AHCYL2: variants seen among roughly 807,000 people sequenced by gnomAD.
The protein encoded by AHCYL2 is adenosylhomocysteinase like 2.
Under a neutral mutation model 81.4 loss-of-function variants are expected in AHCYL2, and 28 were observed. The ratio of observed to expected loss-of-function variants is 0.34; its 90% CI spans 0.25 to 0.47. The LOEUF is 0.47. AHCYL2 is among the 20% of genes least tolerant of loss of function. The probability of loss-of-function intolerance (pLI) is 1.00; values close to 1 mark genes in which losing one functional copy is unlikely to be tolerated. For synonymous variants in AHCYL2, 272 were observed against 290.2 expected (o/e 0.94, Z 0.64); for missense variants, 551 against 785.1 (o/e 0.70, Z 3.56).
In AHCYL2 at chr7:129,410,957, T is replaced by C. The variant is rs770667616; in HGVS notation, c.1366+1411T>C. The stretch of plus-strand genomic sequence containing the variant: ...TCTCTTTTGTTGTTTTAAATAGAGA[T>C]GAGGTCTCAGTCTCCAGGCTGGTCT... On this transcript the variant is annotated intron_variant, in intron 11 of 16. Coordinates refer to ENST00000325006, the MANE Select transcript of AHCYL2 (RefSeq NM_015328.4). Among the ~76,000 whole-genome samples, 45 of 152,300 alleles carry C rather than the reference T, an allele frequency of 3.0e-4. 1 individual carries two copies. Among genetic ancestry groups the C allele is most frequent in the South Asian group, 2.1e-4 (1 of 4,826 alleles).
intron 1 of AHCYL2, among the ~76,000 whole-genome samples, chr7:129,345,845 A>G (rs1793343424): frequency 6.6e-6 from 1 of 152,134 alleles, no homozygotes; most frequent in South Asian, 2.1e-4. Flanking sequence ...AGGCTCAATT[A>G]TTGACATAGG....
Position 129,406,261 on chromosome 7 carries a change from A to T in AHCYL2, c.1207-117A>T. On this transcript the variant is annotated intron_variant, in intron 9 of 16. Transcript: ENST00000325006. This position sits in a 1 kb window ranked among gnomAD's most constrained non-coding sequence, Gnocchi z 4.3. ...TTCTTCTCGTTTTCCCCAAGTATGA[A>T]TCTATTCAGTGAAATTCCTCTCGGG... 1 of 853,076 alleles carries T rather than the reference A, an allele frequency of 1.2e-6. No homozygotes were observed. The highest frequency in any genetic ancestry group is 1.9e-6 in the Non-Finnish European group (1 of 528,712). The allele number at this position is 853,076 out of a possible 1,614,324, so 52.8% of individuals were successfully genotyped here. A position where few individuals can be genotyped will look rare whatever the true frequency, so the allele number is the denominator to read the frequency against.
In AHCYL2 at chr7:129,426,397, T is replaced by A. The variant is rs751369272; in HGVS notation, c.1709-46T>A. The A allele has an allele frequency of 2.5e-5, 40 of 1,613,818 alleles. No individual in the cohort carries two copies. ...TAGCTTGGGGACAATAGCCATCAGA[T>A]AAAAGGCATGAATGCTTATACCAGG... On this transcript the variant is annotated intron_variant, in intron 15 of 16. Coordinates refer to ENST00000325006, the MANE Select transcript of AHCYL2 (RefSeq NM_015328.4). The surrounding 1 kb of genome is among the most constrained non-coding windows in gnomAD (Gnocchi z 4.3).
intron 1 of AHCYL2, among the ~76,000 whole-genome samples, chr7:129,274,143 ATGTGTCTCC>A (rs1465352479): frequency 6.6e-6 from 1 of 152,188 alleles, no homozygotes. Context: ...AGTAACTGTT[ATGTGTCTCC>A]TGTTCCTTCT....
chr7:129,414,958 C>T (rs1796773343), intron 12 of AHCYL2, among the ~76,000 whole-genome samples: 1 of 152,118 alleles, frequency 6.6e-6, no homozygotes, highest in South Asian at 2.1e-4. Flanking sequence ...TATGGTTTCC[C>T]TTTTAAATTC....
intron 1 of AHCYL2, among the ~76,000 whole-genome samples, chr7:129,371,968 G>T (rs1162927124): frequency 6.6e-6 from 1 of 152,312 alleles, no homozygotes; most frequent in African/African-American, 2.4e-5. Flanking sequence ...CTGATAAATG[G>T]TGGTAGAGGT....
At chr7:129,324,989 C>T (rs1289110568) in intron 1 of AHCYL2, among the ~76,000 whole-genome samples, 3 of 152,308 alleles carry the variant, frequency 2.0e-5, no homozygotes, top group South Asian at 4.1e-4. Context: ...TCAGCCTTCA[C>T]ATTATTATTG....
rs989765165 is a variant in AHCYL2 at position 129,400,507 on chromosome 7, T to C, written c.918+123T>C. 14 of 824,466 alleles carry C rather than the reference T, an allele frequency of 1.7e-5. 1 individual carries two copies. In the Admixed American group the frequency reaches 1.9e-4, roughly 11 times the overall value. 51.1% of individuals were successfully genotyped at this position (824,466 alleles called of 1,614,324 possible). A position where few individuals can be genotyped will look rare whatever the true frequency, so the allele number is the denominator to read the frequency against. ...AAAATGGCTTCATTTCTATCTGATA[T>C]ACCTGGGTTTCCAGCAGAACTAGAT... On this transcript the variant is annotated intron_variant, in intron 6 of 16. Transcript: ENST00000325006.
At chr7:129,399,717 T>C (rs7808914) in intron 5 of AHCYL2, among the ~76,000 whole-genome samples, 1,921 of 150,750 alleles carry the variant, frequency 0.013, 40 homozygotes, top group African/African-American at 0.045. Context: ...TGTTTTCCCT[T>C]TAGTCACTTT....
intron 1 of AHCYL2, among the ~76,000 whole-genome samples, chr7:129,343,200 C>A (rs1055261008): frequency 6.6e-6 from 1 of 152,092 alleles, no homozygotes; most frequent in Non-Finnish European, 1.5e-5. Flanking sequence ...TCTTGGTATT[C>A]AATATTCCTG....
In AHCYL2 at chr7:129,426,906, C is replaced by T. The variant is rs1415369331; in HGVS notation, c.1830-133C>T. The T allele has an allele frequency of 1.2e-6, 1 of 854,484 alleles. No individual in the cohort carries two copies. Among genetic ancestry groups the T allele is most frequent in the East Asian group, 2.5e-5 (1 of 39,968 alleles). 52.9% of individuals were successfully genotyped at this position (854,484 alleles called of 1,614,324 possible). A position where few individuals can be genotyped will look rare whatever the true frequency, so the allele number is the denominator to read the frequency against. On this transcript the variant is annotated intron_variant, in intron 16 of 16. Transcript: ENST00000325006. The surrounding 1 kb of genome is among the most constrained non-coding windows in gnomAD (Gnocchi z 4.3). ...CTTTTTCAATGATGTGAAAAGGAAA[C>T]ACAGTTATTTCCTGTCACTGTACAC...
At position 129,389,130 on chromosome 7, in the gene AHCYL2, A is replaced by G. The variant is rs764427748; in HGVS notation, c.550A>G (p.Ser184Gly). 6.2e-7 allele frequency: 1 copy of G among 1,614,074 alleles called. No homozygotes were observed. Among genetic ancestry groups the G allele is most frequent in the Admixed American group, 1.7e-5 (1 of 60,006 alleles). The change falls in exon 3 of 17, where the codon AGT (serine) becomes GGT (glycine). Residue 184 changes from serine (S) to glycine (G), a missense_variant. Physicochemically the swap from Ser to Gly is moderately conservative, Grantham distance 56. This residue lies in a region of AHCYL2 where 316 missense variants were observed against 543.1 expected (regional missense o/e 0.58). Transcript: ENST00000325006. ...DKQQKNSKGS[S>G]DFCVKNIKQA... ...GCAGCAAAAGAACTCTAAGGGAAGCAGTGACTTCTGTGTTAAGAACATCAA... is the reference window on the plus strand; with the variant it reads ...GCAGCAAAAGAACTCTAAGGGAAGCGGTGACTTCTGTGTTAAGAACATCAA...
chr7:129,340,778 T>A (rs1436049353), intron 1 of AHCYL2, among the ~76,000 whole-genome samples: 1 of 152,214 alleles, frequency 6.6e-6, no homozygotes, highest in Admixed American at 6.5e-5. Context: ...GATCATATGA[T>A]ATTTTCTCCT....
intron 2 of AHCYL2, among the ~76,000 whole-genome samples, chr7:129,386,462 CAAA>C (rs574468187): frequency 8.0e-6 from 1 of 124,242 alleles, no homozygotes; most frequent in Admixed American, 8.4e-5. Flanking sequence ...GACCCTGGCT[CAAA>C]AAAAAAAAAA....
chr7:129,339,916 CTTTTTT>C (rs774989478), intron 1 of AHCYL2, among the ~76,000 whole-genome samples: 6 of 104,544 alleles, frequency 5.7e-5, no homozygotes, highest in Non-Finnish European at 1.0e-4. Context: ...TTCCTCTGCT[CTTTTTT>C]TTTTTTTTTT....
At chr7:129,348,897 G>A (rs1793454206) in intron 1 of AHCYL2, among the ~76,000 whole-genome samples, 1 of 152,112 alleles carries the variant, frequency 6.6e-6, no homozygotes, top group Non-Finnish European at 1.5e-5. Flanking sequence ...ACTTTAATCA[G>A]ATTTGCTAAG....
Position 129,400,368 on chromosome 7 carries a change from G to C in AHCYL2, c.902G>C (p.Gly301Ala). ...ATCGATAGATGTGTGAATGTGGAGG[G>C]CTGGCAGCCAAACATGGTGGGTCAG... ...WCIDRCVNVE[G>A]WQPNMILDDG... Residue 301 changes from glycine to alanine, a missense_variant, in exon 6 of 17, where the codon GGC (glycine) becomes GCC (alanine). By Grantham distance (60) the Gly-to-Ala change is moderately conservative. Transcript: ENST00000325006. 2 of 1,612,928 alleles carry C rather than the reference G, an allele frequency of 1.2e-6. No homozygotes were observed. The highest frequency in any genetic ancestry group is 1.7e-6 in the Non-Finnish European group (2 of 1,179,270).
chr7:129,351,835 A>G (rs1793574847), intron 1 of AHCYL2, among the ~76,000 whole-genome samples: 1 of 152,188 alleles, frequency 6.6e-6, no homozygotes, highest in Non-Finnish European at 1.5e-5. Context: ...TTTCATAATA[A>G]TACTAAGGTG....
intron 1 of AHCYL2, among the ~76,000 whole-genome samples, chr7:129,348,607 A>AT (rs1282649326): frequency 6.6e-6 from 1 of 152,188 alleles, no homozygotes; most frequent in Non-Finnish European, 1.5e-5. Context: ...ATCTTATGGG[A>AT]TTATCATGAG....
Sources: allele counts gnomAD v4.1 joint callset (sites outside exome capture counted in the v4.1 genomes callset), GRCh38; gene constraint gnomAD v4.1.1; regional missense constraint gnomAD v4.1.1; non-coding constraint Gnocchi (gnomAD v3.1); transcripts MANE v1.5; gene names NCBI Gene and HGNC (gene_info 2026-07-23, HGNC 2026-07-21).